DCAF6: variants seen among roughly 807,000 people sequenced by gnomAD.
The protein encoded by DCAF6 is DDB1- and CUL4-associated factor 6.
A neutral mutation model predicts 125.1 loss-of-function variants in DCAF6; 54 were observed. That is an observed-to-expected ratio of 0.43 (90% CI 0.35 to 0.54). The LOEUF (loss-of-function observed/expected upper bound fraction) is 0.54. DCAF6 is among the 20% of genes least tolerant of loss of function. The pLI is 0.01. For synonymous variants in DCAF6, 371 were observed against 390.4 expected, an observed-to-expected ratio of 0.95 and a Z score of 0.58; for missense variants, 934 against 1,161.7, an observed-to-expected ratio of 0.80 and a Z score of 2.85.
intron 4 of DCAF6, among the ~76,000 whole-genome samples, chr1:167,984,015 C>G (rs2102960218): frequency 6.6e-6 from 1 of 152,252 alleles, no homozygotes; most frequent in Non-Finnish European, 1.5e-5. Context: ...TTACAACTAC[C>G]ATAGTCGCAA....
chr1:167,929,219 G>A, the DCAF6 span, among the ~76,000 whole-genome samples: 2 of 152,080 alleles, frequency 1.3e-5, no homozygotes, highest in Non-Finnish European at 2.9e-5. Context: ...TTAGCCGGGC[G>A]TGGTGGTGCA....
At chr1:167,985,352 T>A (rs1679848105) in intron 4 of DCAF6, among the ~76,000 whole-genome samples, 2 of 152,190 alleles carry the variant, frequency 1.3e-5, no homozygotes. Context: ...AAGTGTGTAT[T>A]CCTTCTGGTC....
chr1:167,976,816 T>TACAA (rs1231256482), intron 4 of DCAF6, among the ~76,000 whole-genome samples: 2 of 151,860 alleles, frequency 1.3e-5, no homozygotes, highest in East Asian at 3.8e-4. Context: ...ACCTTTGGTT[T>TACAA]ACCTTTCCTT....
rs1680800725 is a variant in DCAF6 at position 167,991,342 on chromosome 1, A to G, written c.688+3A>G. On this transcript the variant is annotated splice_donor_region_variant and intron_variant, in intron 6 of 21. Coordinates refer to ENST00000367840, the MANE Select transcript of DCAF6 (RefSeq NM_001198956.2). Reference sequence around the variant, plus strand: ...AATGCTGGGCACAAGAGCTACAGGTAAGAAGATAATATTAGAGAAAATATA... The same window carrying G: ...AATGCTGGGCACAAGAGCTACAGGTGAGAAGATAATATTAGAGAAAATATA... The G allele has an allele frequency of 1.2e-6, 2 of 1,604,924 alleles. No homozygotes were observed. The highest frequency in any genetic ancestry group is 2.2e-5 in the South Asian group (2 of 89,328).
chr1:167,973,530 T>G lies in DCAF6; in HGVS notation c.253-1300T>G, dbSNP rs924410511. Among the ~76,000 whole-genome samples, 4 of 152,178 alleles carry G rather than the reference T, an allele frequency of 2.6e-5. 1 individual carries two copies. Among genetic ancestry groups the G allele is most frequent in the Non-Finnish European group, 5.9e-5 (4 of 67,996 alleles). ...TTTTAAATTGTCATTTCTTCTACAT[T>G]TATTAATTTACATTCTTCAGTAAAT... On this transcript the variant is annotated intron_variant, in intron 3 of 21. Transcript: ENST00000367840.
chr1:167,933,094 C>T (rs1285199889), upstream of DCAF6, among the ~76,000 whole-genome samples: 1 of 151,904 alleles, frequency 6.6e-6, no homozygotes, highest in East Asian at 1.9e-4. Flanking sequence ...ATAATGAGAG[C>T]CTCAAAATTC....
At chr1:168,060,829 C>T (rs1425898678) in intron 17 of DCAF6, among the ~76,000 whole-genome samples, 1 of 152,152 alleles carries the variant, frequency 6.6e-6, no homozygotes, top group African/African-American at 2.4e-5. Context: ...GCAGAGGTTG[C>T]AGTGAGCTGA....
At chr1:167,971,506 G>A (rs1216869075) in intron 3 of DCAF6, among the ~76,000 whole-genome samples, 1 of 151,980 alleles carries the variant, frequency 6.6e-6, no homozygotes, top group Non-Finnish European at 1.5e-5. Context: ...TTTTACCAAG[G>A]GATTAAAAAA....
chr1:167,909,871 G>T, the DCAF6 span, among the ~76,000 whole-genome samples: 1 of 152,304 alleles, frequency 6.6e-6, no homozygotes, highest in African/African-American at 2.4e-5. Context: ...TCTCTGAAGA[G>T]AAAGAGGAAG....
chr1:167,972,471 CAT>C (rs1474312806), intron 3 of DCAF6, among the ~76,000 whole-genome samples: 3 of 152,140 alleles, frequency 2.0e-5, no homozygotes, highest in Non-Finnish European at 4.4e-5. Context: ...GGGTTTTAAA[CAT>C]GTACTGATAT....
the DCAF6 span, among the ~76,000 whole-genome samples, chr1:167,920,994 A>C: frequency 6.6e-6 from 1 of 152,140 alleles, no homozygotes; most frequent in Non-Finnish European, 1.5e-5. Context: ...AGGAACCACT[A>C]ACCACTAGCA....
intron 4 of DCAF6, among the ~76,000 whole-genome samples, chr1:167,985,781 T>C (rs1377144437): frequency 1.3e-5 from 2 of 152,220 alleles, no homozygotes; most frequent in Non-Finnish European, 2.9e-5. Flanking sequence ...TGAAAAGTGC[T>C]GGCATCGTGT....
chr1:168,065,611 G>A lies in DCAF6; in HGVS notation c.2461G>A (p.Gly821Ser). The change falls in exon 19 of 22, where the codon GGT becomes AGT. Residue 821 changes from glycine to serine, a missense_variant. By Grantham distance (56) the Gly-to-Ser change is moderately conservative. Around this residue, in one of 5 missense-constraint regions of DCAF6, gnomAD observed 559 missense variants for 635.5 expected, o/e 0.88. Transcript: ENST00000367840. ...TTAGATAAAAGAAGCCAATTTCTGG[G>A]GTGCTAACTTTGTAATGAGTGGTTC... ...RTMIKEANFW[G>S]ANFVMSGSDC... is the part of the protein sequence containing the mutation. 7 of 1,603,954 alleles carry A rather than the reference G, an allele frequency of 4.4e-6. No individual in the cohort carries two copies. The highest frequency in any genetic ancestry group is 6.0e-6 in the Non-Finnish European group (7 of 1,174,396).
intron 10 of DCAF6, among the ~76,000 whole-genome samples, chr1:168,009,799 A>G (rs1449748285): frequency 7.6e-6 from 1 of 131,924 alleles, no homozygotes; most frequent in Non-Finnish European, 1.6e-5. Flanking sequence ...TCTCTTCTAT[A>G]TAACCCTGTT....
At chr1:167,936,006 G>C (rs1671159035), upstream of DCAF6, 2 of 621,038 alleles carry the variant, frequency 3.2e-6, no homozygotes, top group Non-Finnish European at 5.7e-6. Flanking sequence ...GAACCGAAAA[G>C]CTGCGGCCCG....
intron 3 of DCAF6, among the ~76,000 whole-genome samples, chr1:167,971,541 T>G (rs889452695): frequency 6.6e-6 from 1 of 152,206 alleles, no homozygotes; most frequent in East Asian, 1.9e-4. Context: ...TTGGATACTT[T>G]TGGACTGAGC....
intron 2 of DCAF6, among the ~76,000 whole-genome samples, chr1:167,960,548 T>C (rs1033526356): frequency 3.3e-5 from 5 of 152,102 alleles, no homozygotes; most frequent in Non-Finnish European, 7.4e-5. Flanking sequence ...GTGATCTTCC[T>C]GTCTTGGCCT....
At chr1:167,886,183 ATTGGAAAAATCTACT>A in the DCAF6 span, among the ~76,000 whole-genome samples, 1 of 152,194 alleles carries the variant, frequency 6.6e-6, no homozygotes, top group Non-Finnish European at 1.5e-5. Flanking sequence ...TCTTCACAGA[ATTGGAAAAATCTACT>A]TTAAAGTTCA....
At chr1:167,988,654 A>G (rs1028653189) in intron 5 of DCAF6, among the ~76,000 whole-genome samples, 1 of 145,762 alleles carries the variant, frequency 6.9e-6, no homozygotes, top group African/African-American at 2.6e-5. Flanking sequence ...TGAAAGTTAC[A>G]AAAAAAAAAG....
Sources: gnomAD v4.1 joint callset for allele counts (sites outside exome capture counted in the v4.1 genomes callset) on GRCh38, gnomAD v4.1.1 for gene constraint, gnomAD v4.1.1 regional missense constraint, MANE v1.5 for transcripts, NCBI Gene and HGNC (gene_info 2026-07-23, HGNC 2026-07-21) for gene names.